The following XPR1 variants were observed in gnomAD, a reference collection of about 807,000 sequenced individuals.
The protein encoded by XPR1 is solute carrier family 53 member 1.
A neutral mutation model predicts 87.5 loss-of-function variants in XPR1; 28 were observed. The ratio of observed to expected loss-of-function variants is 0.32; its 90% CI spans 0.24 to 0.44. The LOEUF (loss-of-function observed/expected upper bound fraction) is 0.44. Among genes scored for constraint, XPR1 ranks in the 20% least tolerant of loss-of-function variants. XPR1 has a pLI of 1.00. For missense variants in XPR1, 559 were observed against 862.3 expected (o/e 0.65, Z 4.41); for synonymous variants, 300 against 306.1 (o/e 0.98, Z 0.21).
intron 2 of XPR1, among the ~76,000 whole-genome samples, chr1:180,782,935 C>G (rs1466019122): frequency 6.6e-6 from 1 of 151,764 alleles, no homozygotes; most frequent in African/African-American, 2.4e-5. Context: ...ATATTGGGCT[C>G]GTTGATTTTT....
At chr1:180,864,840 G>A (rs554811211) in intron 12 of XPR1, among the ~76,000 whole-genome samples, 1 of 152,214 alleles carries the variant, frequency 6.6e-6, no homozygotes, top group South Asian at 2.1e-4. Flanking sequence ...TCTAATCCCA[G>A]CTCTTTCACT....
At chr1:180,839,876 A>G (rs140858523) in intron 11 of XPR1, among the ~76,000 whole-genome samples, 1 of 152,310 alleles carries the variant, frequency 6.6e-6, no homozygotes, top group African/African-American at 2.4e-5. Flanking sequence ...AAGGTTTGTT[A>G]TGCATACCAA....
At chr1:180,702,818 T>C (rs896869143) in intron 2 of XPR1, among the ~76,000 whole-genome samples, 2 of 152,096 alleles carry the variant, frequency 1.3e-5, no homozygotes, top group Non-Finnish European at 2.9e-5. Flanking sequence ...ACTGGAGAAC[T>C]TGTGTTTCTT....
intron 2 of XPR1, among the ~76,000 whole-genome samples, chr1:180,718,629 T>G (rs974093216): frequency 5.3e-5 from 8 of 151,148 alleles, no homozygotes; most frequent in Admixed American, 1.3e-4. Flanking sequence ...GCATGCACCC[T>G]AAGCTGACTA....
intron 1 of XPR1, among the ~76,000 whole-genome samples, chr1:180,650,057 T>C (rs971765491): frequency 4.6e-5 from 7 of 152,162 alleles, no homozygotes; most frequent in African/African-American, 1.7e-4. Context: ...TGCTGTCTTC[T>C]AAAAATTTGT....
At chr1:180,837,418 T>A (rs963966515) in intron 11 of XPR1, among the ~76,000 whole-genome samples, 1 of 152,232 alleles carries the variant, frequency 6.6e-6, no homozygotes, top group African/African-American at 2.4e-5. Flanking sequence ...GAGATGTTAC[T>A]AATTGAAATT....
intron 1 of XPR1, among the ~76,000 whole-genome samples, chr1:180,635,476 G>T (rs530732987): frequency 6.6e-6 from 1 of 152,238 alleles, no homozygotes; most frequent in Non-Finnish European, 1.5e-5. Flanking sequence ...AATATATTTG[G>T]TGCCTTAGGC....
chr1:180,824,775 T>G lies in XPR1; in HGVS notation c.786T>G (p.Asp262Glu). 6.2e-7 allele frequency: 1 copy of G among 1,612,472 alleles called. No individual in the cohort carries two copies. The highest frequency in any genetic ancestry group is 8.5e-7 in the Non-Finnish European group (1 of 1,179,548). Residue 262 changes from aspartate (D) to glutamate (E), a missense_variant, in exon 8 of 15, where the codon GAT (aspartate) becomes GAG (glutamate). Coordinates refer to ENST00000367590, the MANE Select transcript of XPR1 (RefSeq NM_004736.4). Reference protein sequence around the residue: ...VLAAVFKLETDRSIWPLIRIY... With the variant: ...VLAAVFKLETERSIWPLIRIY... ...CAGCTGTATTTAAACTTGAAACAGA[T>G]AGAAGTATATGGCCCTTGATAAGAA...
chr1:180,717,340 A>G (rs771507545), intron 2 of XPR1, among the ~76,000 whole-genome samples: 1 of 152,202 alleles, frequency 6.6e-6, no homozygotes, highest in Non-Finnish European at 1.5e-5. Flanking sequence ...GGAGAATGTC[A>G]TAGGCATAAA....
At chr1:180,649,305 G>A (rs1288677555) in intron 1 of XPR1, among the ~76,000 whole-genome samples, 3 of 151,836 alleles carry the variant, frequency 2.0e-5, no homozygotes, top group Non-Finnish European at 2.9e-5. Context: ...GGTGGCGGGC[G>A]CCTGTAGTCC....
At chr1:180,846,261 C>A (rs1352172239) in intron 11 of XPR1, among the ~76,000 whole-genome samples, 769 of 128,020 alleles carry the variant, frequency 6.0e-3, no homozygotes, top group Middle Eastern at 8.4e-3. Flanking sequence ...GACTTCATCT[C>A]AAAAAAAAAA....
chr1:180,874,337 C>A (rs969743360), intron 13 of XPR1, among the ~76,000 whole-genome samples: 6 of 152,046 alleles, frequency 3.9e-5, no homozygotes, highest in Admixed American at 2.6e-4. Flanking sequence ...TGCAATTTGG[C>A]AGTCTGAGTT....
At chr1:180,697,609 G>C (rs796109360) in intron 2 of XPR1, among the ~76,000 whole-genome samples, 1 of 152,034 alleles carries the variant, frequency 6.6e-6, no homozygotes, top group African/African-American at 2.4e-5. Flanking sequence ...CCTCAGCACT[G>C]TTTTAACAGT....
chr1:180,862,831 C>T (rs1047103405), intron 11 of XPR1, among the ~76,000 whole-genome samples: 7 of 152,138 alleles, frequency 4.6e-5, no homozygotes, highest in South Asian at 2.1e-4. Flanking sequence ...TAGATTTGTA[C>T]GCCTTTTTTT....
intron 2 of XPR1, 126 bp from the exon 3 acceptor site, chr1:180,787,627 T>C: frequency 1.5e-6 from 1 of 676,368 alleles, no homozygotes; most frequent in Non-Finnish European, 2.5e-6. Context: ...ACAGTTCACT[T>C]TTTCAGAGAA....
rs1653069312 is a variant in XPR1 at position 180,888,015 on chromosome 1, CAAG to C, written c.*3954_*3956del. The C allele has an allele frequency of 6.6e-6, 1 of 152,162 alleles. No individual in the cohort carries two copies. The highest frequency in any genetic ancestry group is 2.4e-5 in the African/African-American group (1 of 41,426). 9.4% of individuals were successfully genotyped at this position (152,162 alleles called of 1,614,324 possible). On this transcript the variant is annotated 3_prime_UTR_variant, in exon 15 of 15. Coordinates refer to ENST00000367590, the MANE Select transcript of XPR1 (RefSeq NM_004736.4). ...TAACTTTGGAGATAGCAGAGAAGAG[CAAG>C]AAGATGTTGGACGTTGGCAGTAAGC...
intron 1 of XPR1, among the ~76,000 whole-genome samples, chr1:180,672,804 A>G (rs1176487281): frequency 6.6e-6 from 1 of 151,974 alleles, no homozygotes; most frequent in Admixed American, 6.5e-5. Context: ...TTCAAATTTT[A>G]TTTTTCAAGG....
At chr1:180,753,220 A>G (rs1424501898) in intron 2 of XPR1, among the ~76,000 whole-genome samples, 5 of 152,186 alleles carry the variant, frequency 3.3e-5, no homozygotes, top group African/African-American at 1.2e-4. Flanking sequence ...AAATTCAGCA[A>G]ATAATAAAGT....
rs544342146 is a variant in XPR1 at position 180,884,416 on chromosome 1, C to T, written c.*350C>T. 6.6e-5 allele frequency: 12 copies of T among 181,098 alleles called. No individual in the cohort carries two copies. The highest frequency in any genetic ancestry group is 4.8e-4 in the East Asian group (3 of 6,186). 11.2% of individuals were successfully genotyped at this position (181,098 alleles called of 1,614,324 possible). On this transcript the variant is annotated 3_prime_UTR_variant, in exon 15 of 15. Transcript: ENST00000367590. ...GCATTGCAAGGACCCTCTGATGGGA[C>T]GGTACTGAGATATCTCGGCTTCCGC...
Sources: allele counts gnomAD v4.1 joint callset (sites outside exome capture counted in the v4.1 genomes callset), GRCh38; gene constraint gnomAD v4.1.1; transcripts MANE v1.5; gene names NCBI Gene and HGNC (gene_info 2026-07-23, HGNC 2026-07-21).